AFF4: variants seen among roughly 807,000 people sequenced by gnomAD.
AFF4 encodes AF4/FMR2 family member 4.
A neutral mutation model predicts 124.8 loss-of-function variants in AFF4; 13 were observed. The ratio of observed to expected loss-of-function variants is 0.10; its 90% CI spans 0.07 to 0.17. The LOEUF (loss-of-function observed/expected upper bound fraction) is 0.17. Among genes scored for constraint, AFF4 ranks in the 10% least tolerant of loss-of-function variants. AFF4 has a pLI of 1.00. For missense variants in AFF4, 1,092 were observed against 1,403.8 expected (o/e 0.78, Z 3.55); for synonymous variants, 477 against 496.1 (o/e 0.96, Z 0.51).
rs768390803 is a variant in AFF4 at position 132,934,576 on chromosome 5, G to T, written c.489C>A (p.Ser163Arg). Residue 163 changes from serine to arginine, a missense_variant, in exon 3 of 21, where the codon AGC becomes AGA. Around this residue, in one of 11 missense-constraint regions of AFF4, gnomAD observed 188 missense variants for 203.0 expected, o/e 0.93. Coordinates refer to ENST00000265343, the MANE Select transcript of AFF4 (RefSeq NM_014423.4). ...RESYNNSGSS[S>R]RKKGQHGSEH... ...CTGATCCATGCTGGCCTTTTTTCCG[G>T]CTACTGCTCCCACTATTGTTATATG... The T allele has an allele frequency of 3.7e-6, 6 of 1,613,950 alleles. No homozygotes were observed. In the African/African-American group the frequency reaches 6.7e-5, roughly 18 times the overall value.
rs912626125 is a variant in AFF4 at position 132,876,087 on chromosome 5, C to T, written c.*4972G>A. 7.0e-5 allele frequency: 16 copies of T among 228,302 alleles called. No homozygotes were observed. Among genetic ancestry groups the T allele is most frequent in the Non-Finnish European group, 1.0e-4 (12 of 115,180 alleles). 14.1% of individuals were successfully genotyped at this position (228,302 alleles called of 1,614,324 possible). A position where few individuals can be genotyped will look rare whatever the true frequency, so the allele number is the denominator to read the frequency against. On this transcript the variant is annotated 3_prime_UTR_variant, in exon 21 of 21. Coordinates refer to ENST00000265343, the MANE Select transcript of AFF4 (RefSeq NM_014423.4). The stretch of plus-strand genomic sequence containing the variant: ...CAAAATTTCTTAAAACCATTCAAAA[C>T]GGAGGCTAGATAGAAATTTTCATAA...
At chr5:132,957,470 T>C (rs901827068) in intron 1 of AFF4, among the ~76,000 whole-genome samples, 5 of 152,082 alleles carry the variant, frequency 3.3e-5, no homozygotes, top group African/African-American at 1.2e-4. Flanking sequence ...CAGTGGCTCA[T>C]ACGTATAATC....
chr5:132,920,060 T>A (rs1181166437), intron 5 of AFF4, among the ~76,000 whole-genome samples: 3 of 151,834 alleles, frequency 2.0e-5, no homozygotes, highest in Non-Finnish European at 2.9e-5. Flanking sequence ...TCTTTTTTTC[T>A]TTTTTTTCAG....
At chr5:132,921,801 G>A (rs1329653531) in intron 5 of AFF4, among the ~76,000 whole-genome samples, 1 of 151,886 alleles carries the variant, frequency 6.6e-6, no homozygotes, top group Non-Finnish European at 1.5e-5. Context: ...TTCCCCCCCA[G>A]AGAGAGTCAG....
At position 132,897,166 on chromosome 5, in the gene AFF4, G is replaced by C; in HGVS notation, c.1464C>G (p.Pro488=). Residue 488 remains proline, a synonymous_variant, in exon 11 of 21, where the codon CCC becomes CCG. Transcript: ENST00000265343. ...GGATGTTACTGTCCACTGAAGAGGCGGGTGACACTTTATGTGGGTTCACTT... is the reference window on the plus strand; with the variant it reads ...GGATGTTACTGTCCACTGAAGAGGCCGGTGACACTTTATGTGGGTTCACTT... ...LNKVNPHKVS[P]ASSVDSNIPS... 1 of 1,614,164 alleles carries C rather than the reference G, an allele frequency of 6.2e-7. No homozygotes were observed. The highest frequency in any genetic ancestry group is 1.1e-5 in the South Asian group (1 of 91,080).
At chr5:132,921,908 G>C (rs1022346977) in intron 5 of AFF4, among the ~76,000 whole-genome samples, 1 of 152,026 alleles carries the variant, frequency 6.6e-6, no homozygotes, top group Admixed American at 6.6e-5. Context: ...AGCATCCTGA[G>C]TGGCTGAGAC....
chr5:132,899,126 TTG>T lies in AFF4; in HGVS notation c.1202_1203del (p.Thr401AsnfsTer9). 1 of 1,613,438 alleles carries T rather than the reference TTG, an allele frequency of 6.2e-7. No homozygotes were observed. The highest frequency in any genetic ancestry group is 8.5e-7 in the Non-Finnish European group (1 of 1,179,534). On this transcript the variant is annotated frameshift_variant, in exon 9 of 21. Coordinates refer to ENST00000265343, the MANE Select transcript of AFF4 (RefSeq NM_014423.4). LOFTEE classifies it high-confidence loss of function. ...DSDGEQDCDK[T>X]MPRSTPGSNS... ...CACCTTCCTGGTGTACTCCTCGGCA[TTG>T]TCTTATCACAATCCTAAAATTAAAA...
chr5:132,930,319 G>T (rs897210526), intron 4 of AFF4, among the ~76,000 whole-genome samples: 8 of 152,054 alleles, frequency 5.3e-5, no homozygotes, highest in African/African-American at 1.9e-4. Flanking sequence ...AGGCACAAGG[G>T]TTCCAAAAAG....
intron 4 of AFF4, among the ~76,000 whole-genome samples, chr5:132,929,016 A>G (rs891681223): frequency 2.6e-5 from 4 of 152,208 alleles, no homozygotes; most frequent in Non-Finnish European, 5.9e-5. Flanking sequence ...TGGTTGACAC[A>G]AAGTAGGTGC....
Position 132,955,964 on chromosome 5 carries a change from A to G in AFF4, c.-5+7295T>C, listed in dbSNP as rs1337555054. 4.0e-5 allele frequency among the ~76,000 whole-genome samples: 6 copies of G among 148,270 alleles called. No homozygotes were observed. In the Middle Eastern group the frequency reaches 0.011, roughly 265 times the overall value. ...CTATATAGTATAGTATATATAATAT[A>G]ATGCACAAGATGTGTAATATATAAA... On this transcript the variant is annotated intron_variant, in intron 1 of 20. Transcript: ENST00000265343.
At chr5:132,909,124 T>A (rs1760735995) in intron 5 of AFF4, among the ~76,000 whole-genome samples, 1 of 34,678 alleles carries the variant, frequency 2.9e-5, no homozygotes, top group Non-Finnish European at 5.4e-5. Flanking sequence ...AAACATCATC[T>A]TTTTTTTTTT....
chr5:132,922,993 G>A (rs1761085409), intron 5 of AFF4, among the ~76,000 whole-genome samples: 1 of 151,686 alleles, frequency 6.6e-6, no homozygotes, highest in Admixed American at 6.6e-5. Flanking sequence ...TGGCCAACAT[G>A]GTGAAACCTC....
chr5:132,911,951 A>C (rs868169859), intron 5 of AFF4, among the ~76,000 whole-genome samples: 7 of 152,048 alleles, frequency 4.6e-5, no homozygotes, highest in African/African-American at 1.7e-4. Context: ...CAAGGTCCTC[A>C]ATCTAGAATT....
Position 132,917,781 on chromosome 5 carries a change from C to T in AFF4, c.1050+9340G>A, listed in dbSNP as rs543490961. On this transcript the variant is annotated intron_variant, in intron 5 of 20. Transcript: ENST00000265343. Reference sequence around the variant, plus strand: ...AGGCTGGAGTGCAATGGCGCAATCTCGGCTCACTGCAACCTCCACCTCCCA... The same window carrying T: ...AGGCTGGAGTGCAATGGCGCAATCTTGGCTCACTGCAACCTCCACCTCCCA... Among the ~76,000 whole-genome samples, 6 of 132,942 alleles carry T rather than the reference C, an allele frequency of 4.5e-5. No homozygotes were observed. In the South Asian group the frequency reaches 1.2e-3, roughly 27 times the overall value. The allele number at this position is 132,942 out of a possible 152,430, so 87.2% of individuals were successfully genotyped here.
At chr5:132,955,776 T>G (rs1436206462) in intron 1 of AFF4, among the ~76,000 whole-genome samples, 1 of 46,798 alleles carries the variant, frequency 2.1e-5, no homozygotes, top group African/African-American at 1.3e-4. Context: ...AGATTCCATC[T>G]CAAAAAAAAA....
In AFF4 at chr5:132,929,276, T is replaced by A. The variant is rs116777865; in HGVS notation, c.964-2069A>T. Among the ~76,000 whole-genome samples, 63 of 152,282 alleles carry A rather than the reference T, an allele frequency of 4.1e-4. 1 individual carries two copies. Among genetic ancestry groups the A allele is most frequent in the African/African-American group, 1.5e-3 (61 of 41,578 alleles). Reference sequence around the variant, plus strand: ...AATATCAAAACTCTCAACTGAAAATTTGATTTAATTCTCCAATTATCATCG... The same window carrying A: ...AATATCAAAACTCTCAACTGAAAATATGATTTAATTCTCCAATTATCATCG... On this transcript the variant is annotated intron_variant, in intron 4 of 20. Coordinates refer to ENST00000265343, the MANE Select transcript of AFF4 (RefSeq NM_014423.4).
rs1759869274 is a variant in AFF4 at position 132,877,538 on chromosome 5, A to G, written c.*3521T>C. ...TTTTCATACATACATACATATATAT[A>G]AAGTGTGTATGTGTACAGAATTTTA... On this transcript the variant is annotated 3_prime_UTR_variant, in exon 21 of 21. Transcript: ENST00000265343. The G allele has an allele frequency of 4.8e-6, 1 of 208,472 alleles. No homozygotes were observed. The highest frequency in any genetic ancestry group is 9.8e-6 in the Non-Finnish European group (1 of 102,188). The allele number at this position is 208,472 out of a possible 1,614,324, so 12.9% of individuals were successfully genotyped here.
chr5:132,913,529 G>C (rs938125098), intron 5 of AFF4, among the ~76,000 whole-genome samples: 9 of 152,136 alleles, frequency 5.9e-5, no homozygotes, highest in Admixed American at 5.2e-4. Flanking sequence ...CTGTAGCCTT[G>C]ACCTCTTGTG....
At position 132,934,130 on chromosome 5, in the gene AFF4, C is replaced by T; in HGVS notation, c.918+17G>A. ...TCACGTAGTCACAATGTTAAAAGCTCTAAATGTGTGACTTACATCCAGTGG... is the reference window on the plus strand; with the variant it reads ...TCACGTAGTCACAATGTTAAAAGCTTTAAATGTGTGACTTACATCCAGTGG... On this transcript the variant is annotated intron_variant, in intron 3 of 20. Coordinates refer to ENST00000265343, the MANE Select transcript of AFF4 (RefSeq NM_014423.4). 6.2e-7 allele frequency: 1 copy of T among 1,603,336 alleles called. No homozygotes were observed. The highest frequency in any genetic ancestry group is 1.1e-5 in the South Asian group (1 of 89,814).
Sources: gnomAD v4.1 joint callset for allele counts (sites outside exome capture counted in the v4.1 genomes callset) on GRCh38, gnomAD v4.1.1 for gene constraint, gnomAD v4.1.1 regional missense constraint, MANE v1.5 for transcripts, NCBI Gene and HGNC (gene_info 2026-07-23, HGNC 2026-07-21) for gene names.